Variants in ADARB2 observed in about 807,000 individuals in gnomAD.
The protein encoded by ADARB2 is adenosine deaminase RNA specific B2 (inactive).
In ADARB2, 25 loss-of-function variants were observed where a neutral mutation model predicts 62.2. The observed-to-expected ratio is 0.40, with a 90% CI of 0.29 to 0.56. The LOEUF is 0.56. ADARB2 is among the 20% of genes least tolerant of loss of function. The pLI is 0.43. For missense variants in ADARB2, 1,071 were observed against 1,077.4 expected, an observed-to-expected ratio of 0.99 and a Z score of 0.08; for synonymous variants, 572 against 500.8, an observed-to-expected ratio of 1.14 and a Z score of -1.90.
In ADARB2 at chr10:1,477,672, C is replaced by T. The variant is rs1831420202; in HGVS notation, c.101-98512G>A. Among the ~76,000 whole-genome samples, 1 of 152,206 alleles carries T rather than the reference C, an allele frequency of 6.6e-6. No homozygotes were observed. The highest frequency in any genetic ancestry group is 2.4e-5 in the African/African-American group (1 of 41,448). The stretch of plus-strand genomic sequence containing the variant: ...ATGGGGACCAACATGAAGCGTCAGC[C>T]TGTGCGCCTCTTTCCAGACGATAGG... On this transcript the variant is annotated intron_variant, in intron 1 of 9. Coordinates refer to ENST00000381312, the MANE Select transcript of ADARB2 (RefSeq NM_018702.4). This position sits in a 1 kb window ranked among gnomAD's most constrained non-coding sequence, Gnocchi z 4.5.
At position 1,398,288 on chromosome 10, in the gene ADARB2, G is replaced by A. The variant is rs1832633436; in HGVS notation, c.101-19128C>T. 6.6e-6 allele frequency among the ~76,000 whole-genome samples: 1 copy of A among 152,142 alleles called. No individual in the cohort carries two copies. Among genetic ancestry groups the A allele is most frequent in the Non-Finnish European group, 1.5e-5 (1 of 67,980 alleles). Reference sequence around the variant, plus strand: ...CCCGAGTGCAGGCTTCCTGGGGCAGGGCTTCGCCTGCTTCCTGCAATTGTG... The same window carrying A: ...CCCGAGTGCAGGCTTCCTGGGGCAGAGCTTCGCCTGCTTCCTGCAATTGTG... On this transcript the variant is annotated intron_variant, in intron 1 of 9. Transcript: ENST00000381312. This position sits in a 1 kb window ranked among gnomAD's most constrained non-coding sequence, Gnocchi z 4.1.
At chr10:1,459,843 G>A (rs891274195) in intron 1 of ADARB2, among the ~76,000 whole-genome samples, 3 of 152,258 alleles carry the variant, frequency 2.0e-5, no homozygotes, top group Non-Finnish European at 2.9e-5. Flanking sequence ...GAGGCGGGAG[G>A]AGGGAGAGGA....
At chr10:1,287,780 A>G (rs1831426791) in intron 3 of ADARB2, among the ~76,000 whole-genome samples, 1 of 152,248 alleles carries the variant, frequency 6.6e-6, no homozygotes, top group South Asian at 2.1e-4. Flanking sequence ...CTAGAGTCTG[A>G]GGCAACAGCA....
intron 1 of ADARB2, among the ~76,000 whole-genome samples, chr10:1,462,405 C>T (rs576439535): frequency 1.1e-4 from 16 of 152,374 alleles, no homozygotes; most frequent in East Asian, 1.9e-4. Flanking sequence ...CTCTACCTGC[C>T]GCCAGGGCTG....
At chr10:1,354,802 T>TCCCAAAGGACACCA (rs1366534143) in intron 3 of ADARB2, among the ~76,000 whole-genome samples, 1 of 152,214 alleles carries the variant, frequency 6.6e-6, no homozygotes, top group Non-Finnish European at 1.5e-5. Flanking sequence ...CTTTTTGGTG[T>TCCCAAAGGACACCA]AATGATGAGT....
chr10:1,334,755 G>A (rs1424542392), intron 3 of ADARB2, among the ~76,000 whole-genome samples: 4 of 152,076 alleles, frequency 2.6e-5, no homozygotes, highest in Non-Finnish European at 5.9e-5. Context: ...TTTTTTAAAG[G>A]GTGTGTAACG....
At chr10:1,219,690 A>G in intron 6 of ADARB2, among the ~76,000 whole-genome samples, 1 of 148,060 alleles carries the variant, frequency 6.8e-6, no homozygotes, top group Non-Finnish European at 1.5e-5. Flanking sequence ...TGATGGTGAT[A>G]ATGGAGGTAA....
At chr10:1,329,362 T>G (rs1002748540) in intron 3 of ADARB2, among the ~76,000 whole-genome samples, 4 of 152,190 alleles carry the variant, frequency 2.6e-5, no homozygotes. Context: ...AATGATTAAA[T>G]CTCTAAAAAT....
intron 1 of ADARB2, among the ~76,000 whole-genome samples, chr10:1,510,048 C>T (rs1285329222): frequency 3.3e-5 from 5 of 150,828 alleles, no homozygotes; most frequent in Non-Finnish European, 4.4e-5. Context: ...TTTTCTCTCT[C>T]TTCTCTCTCT....
At chr10:1,396,594 C>T (rs1316526767) in intron 1 of ADARB2, among the ~76,000 whole-genome samples, 4 of 151,772 alleles carry the variant, frequency 2.6e-5, no homozygotes, top group Non-Finnish European at 5.9e-5. Context: ...CGAGTGCAGG[C>T]TTCCTGGGTC....
intron 3 of ADARB2, among the ~76,000 whole-genome samples, chr10:1,334,122 C>T (rs1029196019): frequency 6.6e-6 from 1 of 152,172 alleles, no homozygotes; most frequent in Non-Finnish European, 1.5e-5. Context: ...GACTCATGGG[C>T]AGAGGCCGGA....
intron 1 of ADARB2, among the ~76,000 whole-genome samples, chr10:1,467,503 G>A (rs1253250563): frequency 6.6e-6 from 1 of 152,164 alleles, no homozygotes; most frequent in Non-Finnish European, 1.5e-5. Flanking sequence ...CTGTGTTGAT[G>A]CATGAAGCCA....
At chr10:1,257,572 A>G (rs1481896194) in intron 4 of ADARB2, among the ~76,000 whole-genome samples, 1 of 152,204 alleles carries the variant, frequency 6.6e-6, no homozygotes, top group African/African-American at 2.4e-5. Context: ...CTGGGTCCAG[A>G]GCGCTGTGCA....
intron 1 of ADARB2, among the ~76,000 whole-genome samples, chr10:1,414,649 A>G (rs112562379): frequency 0.029 from 4,458 of 152,324 alleles, 208 homozygotes; most frequent in African/African-American, 0.099. Flanking sequence ...TGGATTACCA[A>G]TAAATAGCAT....
rs1836623609 is a variant in ADARB2 at position 1,178,783 on chromosome 10, C to T, written c.*4410G>A. 1 of 152,178 alleles carries T rather than the reference C, an allele frequency of 6.6e-6. No homozygotes were observed. The highest frequency in any genetic ancestry group is 1.5e-5 in the Non-Finnish European group (1 of 68,026). 9.4% of individuals were successfully genotyped at this position (152,178 alleles called of 1,614,324 possible). A position where few individuals can be genotyped will look rare whatever the true frequency, so the allele number is the denominator to read the frequency against. ...GCTTTGGAGGTATGTGGGATGGCGG[C>T]TCCCTGACATGGACTAGGGGACTCT... is the stretch of plus-strand genomic sequence containing the variant. On this transcript the variant is annotated 3_prime_UTR_variant, in exon 10 of 10. Transcript: ENST00000381312.
chr10:1,483,994 A>G (rs914237485), intron 1 of ADARB2, among the ~76,000 whole-genome samples: 3 of 152,206 alleles, frequency 2.0e-5, no homozygotes, highest in Admixed American at 6.5e-5. Flanking sequence ...CAAAGCCACT[A>G]TTGAATCTGT....
At chr10:1,605,037 T>C (rs531143465) in intron 1 of ADARB2, among the ~76,000 whole-genome samples, 1 of 152,340 alleles carries the variant, frequency 6.6e-6, no homozygotes, top group African/African-American at 2.4e-5. Context: ...AATAAACCCA[T>C]TTATCTAATA....
intron 1 of ADARB2, among the ~76,000 whole-genome samples, chr10:1,707,694 C>T (rs941653803): frequency 4.6e-5 from 7 of 152,158 alleles, no homozygotes; most frequent in Non-Finnish European, 8.8e-5. Context: ...GGGCTTGGTT[C>T]GGCACAGTTA....
chr10:1,451,620 C>T (rs1346497836), intron 1 of ADARB2, among the ~76,000 whole-genome samples: 2 of 151,680 alleles, frequency 1.3e-5, no homozygotes, highest in African/African-American at 4.9e-5. Flanking sequence ...AGGGGACACA[C>T]CTTCCTGAGA....
Sources: gnomAD v4.1 joint callset for allele counts (sites outside exome capture counted in the v4.1 genomes callset) on GRCh38, gnomAD v4.1.1 for gene constraint, Gnocchi (gnomAD v3.1) non-coding constraint, MANE v1.5 for transcripts, NCBI Gene and HGNC (gene_info 2026-07-23, HGNC 2026-07-21) for gene names.